The following SEMA5A variants were observed in gnomAD, a reference collection of about 807,000 sequenced individuals.
SEMA5A encodes semaphorin 5A, also known as semaphorin-5A.
SEMA5A carries 55 observed loss-of-function variants against 135.5 expected under a neutral mutation model. That is an observed-to-expected ratio of 0.41 (90% confidence interval 0.33 to 0.51). The LOEUF (loss-of-function observed/expected upper bound fraction) is 0.51, where lower values mean the gene tolerates loss of function less well. Ranked by LOEUF, SEMA5A falls within the 20% of genes least tolerant of loss-of-function variation. SEMA5A has a pLI of 0.37. For missense variants in SEMA5A, 1,290 were observed against 1,419.9 expected (o/e 0.91, Z 1.47); for synonymous variants, 580 against 546.5 (o/e 1.06, Z -0.85).
intron 16 of SEMA5A, among the ~76,000 whole-genome samples, chr5:9,087,577 T>C (rs1324308192): frequency 6.6e-6 from 1 of 151,768 alleles, no homozygotes; most frequent in African/African-American, 2.4e-5. Context: ...TTTTTCCTAA[T>C]GCATGCTGTA....
intron 2 of SEMA5A, among the ~76,000 whole-genome samples, chr5:9,392,407 CATAA>C (rs757495181): frequency 4.6e-5 from 7 of 151,966 alleles, no homozygotes; most frequent in Non-Finnish European, 5.9e-5. Context: ...CAAGTAAATA[CATAA>C]ATAAATAAAA....
At chr5:9,526,896 G>A (rs1032703758) in intron 1 of SEMA5A, among the ~76,000 whole-genome samples, 16 of 152,322 alleles carry the variant, frequency 1.1e-4, no homozygotes, top group African/African-American at 3.6e-4. Context: ...AGATGCTGGA[G>A]TTTTTAACTT....
At chr5:9,343,089 C>T (rs904935871) in intron 3 of SEMA5A, among the ~76,000 whole-genome samples, 4 of 152,160 alleles carry the variant, frequency 2.6e-5, no homozygotes, top group Non-Finnish European at 2.9e-5. Flanking sequence ...AAATGAAATA[C>T]AACAGAAAGC....
chr5:9,228,929 G>A (rs768436283), intron 6 of SEMA5A, among the ~76,000 whole-genome samples: 5 of 152,090 alleles, frequency 3.3e-5, no homozygotes, highest in Admixed American at 6.5e-5. Context: ...GCATAGCATC[G>A]AGACAGCGGA....
intron 1 of SEMA5A, among the ~76,000 whole-genome samples, chr5:9,483,869 A>T (rs988041478): frequency 3.3e-5 from 5 of 152,232 alleles, no homozygotes; most frequent in African/African-American, 1.2e-4. Flanking sequence ...ATAGACAAAT[A>T]AAAAGCCCAC....
chr5:9,042,872 C>G lies in SEMA5A; in HGVS notation c.*25G>C. 1 of 1,613,400 alleles carries G rather than the reference C, an allele frequency of 6.2e-7. No homozygotes were observed. Among genetic ancestry groups the G allele is most frequent in the Non-Finnish European group, 8.5e-7 (1 of 1,179,700 alleles). On this transcript the variant is annotated 3_prime_UTR_variant, in exon 23 of 23. Coordinates refer to ENST00000382496, the MANE Select transcript of SEMA5A (RefSeq NM_003966.3). ...CAGGCCTTGAGGAACTGGGGATTTA[C>G]AAGAAGCCAAAAACATGAAAGCTGT... is the stretch of plus-strand genomic sequence containing the variant.
In SEMA5A at chr5:9,249,388, G is replaced by A. The variant is rs779329842; in HGVS notation, c.271-11498C>T. ...GGCTAACCATGCCATTTCTGGTCAC[G>A]TTGCCATTACTTACCTCTCCCACAC... On this transcript the variant is annotated intron_variant, in intron 5 of 22. Transcript: ENST00000382496. Among the ~76,000 whole-genome samples, 34 of 152,214 alleles carry A rather than the reference G, an allele frequency of 2.2e-4. 1 individual carries two copies. Among genetic ancestry groups the A allele is most frequent in the East Asian group, 1.9e-4 (1 of 5,180 alleles).
chr5:9,372,165 C>T (rs1755162881), intron 3 of SEMA5A, among the ~76,000 whole-genome samples: 1 of 152,248 alleles, frequency 6.6e-6, no homozygotes, highest in African/African-American at 2.4e-5. Context: ...TGGAATCTCA[C>T]AGGGACTCGA....
chr5:9,318,464 A>C (rs1174237138), intron 4 of SEMA5A, 47 bp from the exon 5 acceptor site: 1 of 1,488,374 alleles, frequency 6.7e-7, no homozygotes, highest in Non-Finnish European at 9.2e-7. Context: ...TAGATCACAG[A>C]AAGTTAAGAG....
chr5:9,280,700 GA>G, intron 5 of SEMA5A: 1 of 237,214 alleles, frequency 4.2e-6, no homozygotes, highest in South Asian at 4.7e-5. Flanking sequence ...ACAAGAATTT[GA>G]AAAACCAACC....
At chr5:9,350,032 T>G (rs4702624) in intron 3 of SEMA5A, among the ~76,000 whole-genome samples, 100,294 of 151,700 alleles carry the variant, frequency 0.66, 34,050 homozygotes, top group South Asian at 0.76. Context: ...ACCTTTCAAG[T>G]ACTTTGAAGC....
At chr5:9,121,360 T>C (rs190423) in intron 14 of SEMA5A, among the ~76,000 whole-genome samples, 52,552 of 152,018 alleles carry the variant, frequency 0.35, 12,113 homozygotes, top group East Asian at 0.64. Context: ...TCCACTTACG[T>C]TTTTAAAGCC....
intron 13 of SEMA5A, among the ~76,000 whole-genome samples, chr5:9,126,897 C>A (rs1382077384): frequency 2.0e-5 from 3 of 152,058 alleles, no homozygotes; most frequent in Non-Finnish European, 4.4e-5. Flanking sequence ...ATCTTGTGAC[C>A]CCTGGTTACC....
At chr5:9,347,923 C>T (rs187713861) in intron 3 of SEMA5A, among the ~76,000 whole-genome samples, 1 of 152,330 alleles carries the variant, frequency 6.6e-6, no homozygotes, top group Admixed American at 6.5e-5. Context: ...AAATGCACTA[C>T]CTTTCTGAAA....
At chr5:9,426,171 C>T (rs996668982) in intron 2 of SEMA5A, among the ~76,000 whole-genome samples, 5 of 152,108 alleles carry the variant, frequency 3.3e-5, no homozygotes, top group African/African-American at 9.7e-5. Context: ...GGCGCAGTGG[C>T]TCACACCTGT....
At chr5:9,151,431 C>A (rs965598718) in intron 12 of SEMA5A, among the ~76,000 whole-genome samples, 1 of 152,132 alleles carries the variant, frequency 6.6e-6, no homozygotes, top group Non-Finnish European at 1.5e-5. Flanking sequence ...AGTATCCAAT[C>A]GTTACCCAAT....
intron 2 of SEMA5A, among the ~76,000 whole-genome samples, chr5:9,436,717 T>C (rs919970984): frequency 6.6e-6 from 1 of 152,210 alleles, no homozygotes; most frequent in Non-Finnish European, 1.5e-5. Flanking sequence ...TGGTAGTGTC[T>C]TTGCAGTGAC....
intron 8 of SEMA5A, among the ~76,000 whole-genome samples, chr5:9,213,401 G>A (rs1359011818): frequency 1.3e-5 from 2 of 152,226 alleles, no homozygotes; most frequent in Non-Finnish European, 2.9e-5. Context: ...ATTAATAGCT[G>A]AGGCTAAAAC....
intron 1 of SEMA5A, among the ~76,000 whole-genome samples, chr5:9,452,328 G>C (rs1444250398): frequency 2.0e-5 from 3 of 152,208 alleles, no homozygotes; most frequent in African/African-American, 7.2e-5. Context: ...CTGTGAAGCA[G>C]TGGTTTGCTT....
Sources: gnomAD v4.1 joint callset for allele counts (sites outside exome capture counted in the v4.1 genomes callset) on GRCh38, gnomAD v4.1.1 for gene constraint, MANE v1.5 for transcripts, NCBI Gene and HGNC (gene_info 2026-07-23, HGNC 2026-07-21) for gene names.